Variants in PCDH15 observed in about 807,000 individuals in gnomAD.
The protein encoded by PCDH15 is protocadherin related 15.
In PCDH15, 129 loss-of-function variants were observed where a neutral mutation model predicts 178.5. The observed-to-expected ratio is 0.72, with a 90% CI of 0.63 to 0.84. PCDH15 has a LOEUF of 0.84. PCDH15 is among the 40% of genes least tolerant of loss of function. The pLI is 0.00. For synonymous variants in PCDH15, 800 were observed against 732.0 expected, an observed-to-expected ratio of 1.09 and a Z score of -1.50; for missense variants, 2,230 against 2,099.9, an observed-to-expected ratio of 1.06 and a Z score of -1.21.
At chr10:54,484,642 C>T (rs1009188114) in intron 3 of PCDH15, among the ~76,000 whole-genome samples, 1 of 146,342 alleles carries the variant, frequency 6.8e-6, no homozygotes, top group Non-Finnish European at 1.5e-5. Context: ...TAAAATCGAT[C>T]CCCGCTCATC....
chr10:54,317,278 C>T lies in PCDH15; in HGVS notation c.869G>A (p.Arg290Lys), dbSNP rs1269266368. Residue 290 changes from arginine (R) to lysine (K), a missense_variant, in exon 8 of 38, where the codon AGA (arginine) becomes AAA (lysine). By Grantham distance (26) the Arg-to-Lys change is conservative (BLOSUM62 2). Coordinates refer to ENST00000644397, the MANE Select transcript of PCDH15 (RefSeq NM_001384140.1). ...LTYQAAIPEL[R>K]TPEELNPIIV... ...AGATAAGAGTATATTTACCGGAGTT[C>T]TCAACTCAGGTATGGCAGCTTGATA... 1.9e-6 allele frequency: 3 copies of T among 1,613,250 alleles called. No individual in the cohort carries two copies. The South Asian group carries it at 3.3e-5, about 18-fold the overall frequency.
intron 8 of PCDH15, among the ~76,000 whole-genome samples, chr10:54,292,167 A>G (rs1371086970): frequency 1.3e-5 from 2 of 152,226 alleles, no homozygotes; most frequent in African/African-American, 4.8e-5. Context: ...CTGGTTCAAC[A>G]TACACAAATA....
intron 2 of PCDH15, chr10:54,606,146 C>A (rs2092731155): frequency 6.6e-6 from 1 of 152,138 alleles, no homozygotes; most frequent in African/African-American, 2.4e-5. Flanking sequence ...TGTAGTCTAA[C>A]TTCTTTCATA....
chr10:54,469,987 A>G (rs983628105), intron 3 of PCDH15, among the ~76,000 whole-genome samples: 2 of 152,250 alleles, frequency 1.3e-5, no homozygotes, highest in Admixed American at 6.5e-5. Flanking sequence ...GTGGGGCAGG[A>G]TGATACACAG....
rs75016110 is a variant in PCDH15, at chr10:55,587,794, T to C, written c.-156+39831A>G. On this transcript the variant is annotated intron_variant, in intron 2 of 5. Transcript: ENST00000613346. ...AAGTGTTTTCCTCAAGAATTTCTTG[T>C]TAAGAGGTCGTTTGTTAGCTTTCAA... 9.8e-3 allele frequency among the ~76,000 whole-genome samples: 1,487 copies of C among 152,302 alleles called. 32 individuals are homozygous for C. Among genetic ancestry groups the C allele is most frequent in the African/African-American group, 0.034 (1,422 of 41,566 alleles).
intron 2 of PCDH15, among the ~76,000 whole-genome samples, chr10:54,936,386 G>A (rs1035384912): frequency 6.6e-6 from 1 of 151,890 alleles, no homozygotes; most frequent in African/African-American, 2.4e-5. Flanking sequence ...CTTCTCTTGG[G>A]TATATATCTA....
chr10:55,585,068 T>A (rs1029877111), intron 2 of PCDH15, among the ~76,000 whole-genome samples: 1 of 151,434 alleles, frequency 6.6e-6, no homozygotes, highest in Non-Finnish European at 1.5e-5. Flanking sequence ...TATATAAAAT[T>A]AATTCCTTAT....
chr10:54,448,998 G>T (rs1436665305), intron 3 of PCDH15, among the ~76,000 whole-genome samples: 1 of 151,616 alleles, frequency 6.6e-6, no homozygotes, highest in Non-Finnish European at 1.5e-5. Context: ...CCACTTTGAA[G>T]GCCTCCTCCT....
At chr10:55,057,167 A>G (rs1179560604) in intron 2 of PCDH15, among the ~76,000 whole-genome samples, 1 of 152,152 alleles carries the variant, frequency 6.6e-6, no homozygotes, top group African/African-American at 2.4e-5. Flanking sequence ...CCTGGGTCCA[A>G]CCAAAATCTC....
At chr10:54,479,052 A>G (rs186252878) in intron 3 of PCDH15, among the ~76,000 whole-genome samples, 2 of 152,038 alleles carry the variant, frequency 1.3e-5, no homozygotes, top group East Asian at 3.9e-4. Context: ...CCAGCAACAT[A>G]AATGGAGACA....
In PCDH15 at chr10:53,831,430, T is replaced by A; in HGVS notation, c.4087A>T (p.Ile1363Phe). Residue 1363 changes from isoleucine (I) to phenylalanine (F), a missense_variant, in exon 30 of 38, where the codon ATT (isoleucine) becomes TTT (phenylalanine). Ile to Phe is a conservative substitution (Grantham distance 21, BLOSUM62 0). Transcript: ENST00000644397. ...EIRTPEAVTS[I>F]KKRGESLGYT... ...CCTAGACTTTCTCCTCTCTTTTTAA[T>A]GCTGGTCACTGCCTCTGGAGTCCGG... The A allele has an allele frequency of 6.2e-7, 1 of 1,614,206 alleles. No homozygotes were observed. The highest frequency in any genetic ancestry group is 8.5e-7 in the Non-Finnish European group (1 of 1,180,042).
At chr10:55,089,991 G>T (rs1842274384) in intron 2 of PCDH15, among the ~76,000 whole-genome samples, 1 of 151,994 alleles carries the variant, frequency 6.6e-6, no homozygotes, top group African/African-American at 2.4e-5. Context: ...AATAATGGAG[G>T]TTATTAACTT....
At chr10:55,564,945 G>A (rs1842271498) in intron 2 of PCDH15, among the ~76,000 whole-genome samples, 1 of 151,506 alleles carries the variant, frequency 6.6e-6, no homozygotes, top group Non-Finnish European at 1.5e-5. Context: ...AAACCAATCA[G>A]AAGATAAGTA....
intron 2 of PCDH15, among the ~76,000 whole-genome samples, chr10:54,922,431 T>A (rs115072636): frequency 6.6e-6 from 1 of 152,116 alleles, no homozygotes; most frequent in Non-Finnish European, 1.5e-5. Flanking sequence ...CGGGCAGTCA[T>A]TAAATCTCAA....
At chr10:54,159,447 C>T (rs1478435826) in intron 13 of PCDH15, among the ~76,000 whole-genome samples, 2 of 152,084 alleles carry the variant, frequency 1.3e-5, no homozygotes, top group African/African-American at 4.8e-5. Context: ...CAGAAAATAT[C>T]GCTCATGACA....
rs972241648 is a variant in PCDH15 at position 55,621,992 on chromosome 10, T to TATATTTATATATGTATATATAATAA, written c.-156+5608_-156+5632dup. Among the ~76,000 whole-genome samples, 139 of 143,126 alleles carry TATATTTATATATGTATATATAATAA rather than the reference T, an allele frequency of 9.7e-4. 1 individual carries two copies. Among genetic ancestry groups the TATATTTATATATGTATATATAATAA allele is most frequent in the Admixed American group, 2.3e-3 (32 of 13,700 alleles). The allele number at this position is 143,126 out of a possible 152,430, so 93.9% of individuals were successfully genotyped here. A position where few individuals can be genotyped will look rare whatever the true frequency, so the allele number is the denominator to read the frequency against. On this transcript the variant is annotated intron_variant, in intron 2 of 5. Transcript: ENST00000613346. ...AATATACTCTCGTTCTCTCTCTATA[T>TATATTTATATATGTATATATAATAA]ATATTTATATATGTATATATAATAA...
chr10:54,436,672 C>A (rs1432359988), intron 3 of PCDH15, among the ~76,000 whole-genome samples: 1 of 152,080 alleles, frequency 6.6e-6, no homozygotes, highest in Non-Finnish European at 1.5e-5. Flanking sequence ...AACCTACACA[C>A]CAAATATGCT....
intron 2 of PCDH15, among the ~76,000 whole-genome samples, chr10:55,075,607 G>C (rs1841868999): frequency 2.0e-5 from 3 of 151,764 alleles, no homozygotes. Flanking sequence ...TCGTGATCTA[G>C]CCGCCTCAGG....
At chr10:54,685,636 G>C (rs2094983318) in intron 1 of PCDH15, among the ~76,000 whole-genome samples, 1 of 152,114 alleles carries the variant, frequency 6.6e-6, no homozygotes, top group Admixed American at 6.6e-5. Flanking sequence ...ATTACAATGA[G>C]GATACATCCT....
Sources: gnomAD v4.1 joint callset for allele counts (sites outside exome capture counted in the v4.1 genomes callset) on GRCh38, gnomAD v4.1.1 for gene constraint, MANE v1.5 for transcripts, NCBI Gene and HGNC (gene_info 2026-07-23, HGNC 2026-07-21) for gene names.